CLEC7A: variants seen among roughly 807,000 people sequenced by gnomAD.
The protein encoded by CLEC7A is C-type lectin domain containing 7A, also known as C-type lectin domain family 7 member A.
Under a neutral mutation model 26.9 loss-of-function variants are expected in CLEC7A, and 25 were observed. The ratio of observed to expected loss-of-function variants is 0.93; its 90% CI spans 0.68 to 1.30. The LOEUF (loss-of-function observed/expected upper bound fraction) is 1.30. CLEC7A is among the 50% of genes most tolerant of loss of function. CLEC7A has a pLI of 0.00. For missense variants in CLEC7A, 275 were observed against 286.7 expected (o/e 0.96, Z 0.29); for synonymous variants, 100 against 99.5 (o/e 1.01, Z -0.03).
intron 1 of CLEC7A, among the ~76,000 whole-genome samples, chr12:10,128,064 A>T (rs1023392418): frequency 4.0e-4 from 43 of 107,702 alleles, no homozygotes; most frequent in Admixed American, 3.1e-3. Context: ...AAAAAAAGAA[A>T]AACAAAGAAA....
chr12:10,129,207 T>G (rs1948407872), intron 1 of CLEC7A, among the ~76,000 whole-genome samples: 2 of 152,218 alleles, frequency 1.3e-5, no homozygotes, highest in Admixed American at 1.3e-4. Context: ...AATAATTGTT[T>G]TTTGTTTAAA....
At chr12:10,126,458 T>G in intron 3 of CLEC7A, 113 bp downstream of exon 3, 1 of 1,460,752 alleles carries the variant, frequency 6.8e-7, no homozygotes, top group Non-Finnish European at 9.1e-7. Context: ...TGTATTTGCC[T>G]TAAATTTACA....
At chr12:10,120,736 A>ACT (rs201991021) in intron 5 of CLEC7A, among the ~76,000 whole-genome samples, 1 of 140,796 alleles carries the variant, frequency 7.1e-6, no homozygotes, top group Non-Finnish European at 1.5e-5. Context: ...CCCAAGGGCT[A>ACT]GTTTTTTCTT....
In CLEC7A at chr12:10,127,826, A is replaced by T; in HGVS notation, c.123T>A (p.Pro41=). Reference sequence around the variant, plus strand: ...AAATTACAGCAATGAGGCGCCAAGGAGGAGATGCAGCACACGATCCTGAGG... The same window carrying T: ...AAATTACAGCAATGAGGCGCCAAGGTGGAGATGCAGCACACGATCCTGAGG... The part of the protein sequence containing the change: ...VSEKGSCAAS[P]PWRLIAVILG... The change falls in exon 2 of 6, where the codon CCT becomes CCA. Residue 41 remains proline, a synonymous_variant. Transcript: ENST00000304084. 6.4e-7 allele frequency: 1 copy of T among 1,564,584 alleles called. No individual in the cohort carries two copies. Among genetic ancestry groups the T allele is most frequent in the South Asian group, 1.2e-5 (1 of 85,100 alleles).
At chr12:10,127,505 A>C (rs1191926711) in intron 2 of CLEC7A, 3 of 1,500,302 alleles carry the variant, frequency 2.0e-6, no homozygotes, top group Non-Finnish European at 9.3e-7. Flanking sequence ...CAGATCACCC[A>C]AATTTCTAAT....
chr12:10,125,968 C>T (rs4763446), intron 3 of CLEC7A, among the ~76,000 whole-genome samples: 120,714 of 152,170 alleles, frequency 0.79, 49,046 homozygotes, highest in Middle Eastern at 0.87. Flanking sequence ...AAAAATTGAA[C>T]TGAAAACATT....
At chr12:10,124,413 A>G (rs1372056134) in intron 4 of CLEC7A, among the ~76,000 whole-genome samples, 2 of 152,228 alleles carry the variant, frequency 1.3e-5, no homozygotes, top group African/African-American at 2.4e-5. Context: ...CCCTTCATTC[A>G]TGATGTGTTA....
chr12:10,124,045 TAAG>T (rs3053817), intron 4 of CLEC7A, among the ~76,000 whole-genome samples: 83,720 of 151,930 alleles, frequency 0.55, 28,470 homozygotes, highest in Non-Finnish European at 0.76. Flanking sequence ...CTACTTTCGT[TAAG>T]AAGTACTTCT....
chr12:10,122,478 T>TTTTTC (rs1166764105), intron 5 of CLEC7A, among the ~76,000 whole-genome samples: 1 of 140,050 alleles, frequency 7.1e-6, no homozygotes, highest in African/African-American at 3.0e-5. Flanking sequence ...CACTCTTTCT[T>TTTTTC]TTTTTCTTTT....
chr12:10,125,023 C>T (rs1484005091), intron 4 of CLEC7A: 1 of 396,162 alleles, frequency 2.5e-6, no homozygotes, highest in Non-Finnish European at 4.7e-6. Context: ...ATGGAGAAAC[C>T]TCGTCTCTAT....
intron 5 of CLEC7A, among the ~76,000 whole-genome samples, chr12:10,120,315 A>G (rs1217835203): frequency 6.6e-6 from 1 of 152,234 alleles, no homozygotes; most frequent in Non-Finnish European, 1.5e-5. Flanking sequence ...TAAACACATT[A>G]GTTTTAAAAC....
At position 10,125,589 on chromosome 12, in the gene CLEC7A, G is replaced by A. The variant is rs1948255100; in HGVS notation, c.341-141C>T. The stretch of plus-strand genomic sequence containing the variant: ...ATTTCATTGTCAATTCGAACTACAG[G>A]GATATGATTTTACAGATGAGAATAC... On this transcript the variant is annotated intron_variant, in intron 3 of 5. Coordinates refer to ENST00000304084, the MANE Select transcript of CLEC7A (RefSeq NM_197947.3). 4 of 612,192 alleles carry A rather than the reference G, an allele frequency of 6.5e-6. No homozygotes were observed. The Admixed American group carries it at 1.1e-4, about 16-fold the overall frequency. 37.9% of individuals were successfully genotyped at this position (612,192 alleles called of 1,614,324 possible). A position where few individuals can be genotyped will look rare whatever the true frequency, so the allele number is the denominator to read the frequency against.
chr12:10,125,734 C>T (rs915006646), intron 3 of CLEC7A, among the ~76,000 whole-genome samples: 3 of 152,160 alleles, frequency 2.0e-5, no homozygotes, highest in African/African-American at 7.2e-5. Flanking sequence ...CAGCTCAAAA[C>T]TACCTTTCTC....
At chr12:10,125,089 A>G (rs1378457707) in intron 4 of CLEC7A, 2 of 636,550 alleles carry the variant, frequency 3.1e-6, no homozygotes, top group East Asian at 3.0e-5. Context: ...AGTCCTACCT[A>G]CTCAGGAAGC....
rs775627850 is a variant in CLEC7A at position 10,123,334 on chromosome 12, T to G, written c.522A>C (p.Gln174His). ...LGFIVKQVSS[Q>H]PDNSFWIGLS... Reference sequence around the variant, plus strand: ...GGCCTATCCAAAATGAATTATCAGGTTGGGAAGACACTTGTTTTACTATAA... The same window carrying G: ...GGCCTATCCAAAATGAATTATCAGGGTGGGAAGACACTTGTTTTACTATAA... Residue 174 changes from glutamine (Q) to histidine (H), a missense_variant, in exon 5 of 6, where the codon CAA becomes CAC. Transcript: ENST00000304084. 10 of 1,611,176 alleles carry G rather than the reference T, an allele frequency of 6.2e-6. No homozygotes were observed. The highest frequency in any genetic ancestry group is 7.6e-6 in the Non-Finnish European group (9 of 1,177,356).
At chr12:10,125,242 C>G (rs762564803) in intron 4 of CLEC7A, 55 bp downstream of exon 4, 3 of 1,415,168 alleles carry the variant, frequency 2.1e-6, no homozygotes, top group East Asian at 2.3e-5. Flanking sequence ...GAATCTCCCT[C>G]TATCTTCCTT....
At chr12:10,123,390 A>G (rs1948160367) in intron 4 of CLEC7A, 27 bp from the exon 5 acceptor site, 1 of 1,207,724 alleles carries the variant, frequency 8.3e-7, no homozygotes. Context: ...ACAAATATAT[A>G]ATAAAGAGAG....
In CLEC7A at chr12:10,126,641, C is replaced by T. The variant is rs1362836646; in HGVS notation, c.270G>A (p.Glu90=). The change falls in exon 3 of 6, where the codon GAG becomes GAA. Residue 90 remains glutamate (E), a synonymous_variant. Transcript: ENST00000304084. ...ATGATTGTGTGGGTTGACTGTGGTT[C>T]TCTTTATTTCTTGATAGAAAGTAGC... ...ENGYFLSRNK[E]NHSQPTQSSL... 1 of 1,612,784 alleles carries T rather than the reference C, an allele frequency of 6.2e-7. No individual in the cohort carries two copies. The highest frequency in any genetic ancestry group is 8.5e-7 in the Non-Finnish European group (1 of 1,179,446).
At chr12:10,121,106 C>A (rs1220892882) in intron 5 of CLEC7A, among the ~76,000 whole-genome samples, 2 of 151,078 alleles carry the variant, frequency 1.3e-5, no homozygotes, top group African/African-American at 2.4e-5. Flanking sequence ...AGAGAGTCAA[C>A]AGAGTAAAGG....
Sources: allele counts gnomAD v4.1 joint callset (sites outside exome capture counted in the v4.1 genomes callset), GRCh38; gene constraint gnomAD v4.1.1; transcripts MANE v1.5; gene names NCBI Gene and HGNC (gene_info 2026-07-23, HGNC 2026-07-21).